GCN1: variants seen among roughly 807,000 people sequenced by gnomAD.
GCN1 encodes the protein GCN1 activator of EIF2AK4.
Under a neutral mutation model 288.4 loss-of-function variants are expected in GCN1, and 90 were observed. That is an observed-to-expected ratio of 0.31 (90% CI 0.26 to 0.37). The LOEUF (loss-of-function observed/expected upper bound fraction) is 0.37. GCN1 is among the 10% of genes least tolerant of loss of function. The probability of loss-of-function intolerance (pLI) is 1.00; values close to 1 mark genes in which losing one functional copy is unlikely to be tolerated. For synonymous variants in GCN1, 1,386 were observed against 1,420.2 expected (o/e 0.98, Z 0.54); for missense variants, 2,586 against 3,419.9 (o/e 0.76, Z 6.08).
chr12:120,159,200 G>A (rs143771285), intron 24 of GCN1, among the ~76,000 whole-genome samples: 311 of 152,276 alleles, frequency 2.0e-3, no homozygotes, highest in Non-Finnish European at 4.1e-3. Flanking sequence ...CTCTATCTGT[G>A]CAGCATCTCC....
chr12:120,147,227 T>C lies in GCN1; in HGVS notation c.4772A>G (p.Lys1591Arg). 1 of 1,610,766 alleles carries C rather than the reference T, an allele frequency of 6.2e-7. No individual in the cohort carries two copies. The highest frequency in any genetic ancestry group is 8.5e-7 in the Non-Finnish European group (1 of 1,177,500). Residue 1591 changes from lysine (K) to arginine (R), a missense_variant, in exon 38 of 58, where the codon AAG becomes AGG. Physicochemically the swap from Lys to Arg is conservative, Grantham distance 26. Around this residue, in one of 8 missense-constraint regions of GCN1, gnomAD observed 371 missense variants for 572.6 expected, o/e 0.65. Coordinates refer to ENST00000300648, the MANE Select transcript of GCN1 (RefSeq NM_006836.2). ...CAGGGTCTGCAAGCACTTCTGGGTC[T>C]TCCTGGAGGGATCCGTCAGGGCATC... Reference protein sequence around the residue: ...LLDALTDPSRKTQKCLQTLLD... With the variant: ...LLDALTDPSRRTQKCLQTLLD...
In GCN1 at chr12:120,175,781, T is replaced by C; in HGVS notation, c.1007A>G (p.Glu336Gly). ...AGCAAATAGGTGCTTGGTCAGGGAT[T>C]CCATGGCCGAAGAGTCACTGCACTG... is the stretch of plus-strand genomic sequence containing the variant. The part of the protein sequence containing the change: ...ARQCSDSSAM[E>G]SLTKHLFAIL... Residue 336 changes from glutamate (E) to glycine (G), a missense_variant, in exon 11 of 58, where the codon GAA becomes GGA. Coordinates refer to ENST00000300648, the MANE Select transcript of GCN1 (RefSeq NM_006836.2). 4 of 1,613,238 alleles carry C rather than the reference T, an allele frequency of 2.5e-6. No individual in the cohort carries two copies. The highest frequency in any genetic ancestry group is 3.4e-6 in the Non-Finnish European group (4 of 1,179,724).
At chr12:120,136,198 C>T (rs1004058843) in intron 51 of GCN1, among the ~76,000 whole-genome samples, 5 of 152,152 alleles carry the variant, frequency 3.3e-5, no homozygotes, top group African/African-American at 4.8e-5. Flanking sequence ...CTGGACATAA[C>T]CTCATCTAAT....
chr12:120,189,493 G>A (rs941481643), intron 2 of GCN1, among the ~76,000 whole-genome samples: 1 of 151,548 alleles, frequency 6.6e-6, no homozygotes, highest in Non-Finnish European at 1.5e-5. Context: ...CTCCCTAGTA[G>A]CTGGGATTAC....
chr12:120,163,116 T>C lies in GCN1; in HGVS notation c.1992A>G (p.Glu664=). 2 of 1,614,240 alleles carry C rather than the reference T, an allele frequency of 1.2e-6. No individual in the cohort carries two copies. The highest frequency in any genetic ancestry group is 1.7e-6 in the Non-Finnish European group (2 of 1,180,032). ...TGATCAGCATTTCCTGGGCCAGTTGTTCAGTGTCGGTGACATCACCCTTGA... is the reference window on the plus strand; with the variant it reads ...TGATCAGCATTTCCTGGGCCAGTTGCTCAGTGTCGGTGACATCACCCTTGA... ...PGLKGDVTDT[E]QLAQEMLIIS... The change falls in exon 19 of 58, where the codon GAA becomes GAG. Residue 664 remains glutamate (E), a synonymous_variant. Coordinates refer to ENST00000300648, the MANE Select transcript of GCN1 (RefSeq NM_006836.2).
Position 120,136,559 on chromosome 12 carries a change from C to A in GCN1, c.6951G>T (p.Arg2317Ser). The A allele has an allele frequency of 2.5e-6, 4 of 1,614,232 alleles. No individual in the cohort carries two copies. The highest frequency in any genetic ancestry group is 3.4e-6 in the Non-Finnish European group (4 of 1,180,050). Reference sequence around the variant, plus strand: ...GAGCCGCCTTCACATTCCAGCTGAACCTGTCCCCCAGGATGCGGATCAGAG... The same window carrying A: ...GAGCCGCCTTCACATTCCAGCTGAAACTGTCCCCCAGGATGCGGATCAGAG... The part of the protein sequence containing the change: ...TGPLIRILGD[R>S]FSWNVKAALL... The change falls in exon 51 of 58, where the codon AGG becomes AGT. Residue 2317 changes from arginine to serine, a missense_variant. Physicochemically the swap from Arg to Ser is moderately radical, Grantham distance 110. This residue lies in a region of GCN1 where 17 missense variants were observed against 52.8 expected (regional missense o/e 0.32). Coordinates refer to ENST00000300648, the MANE Select transcript of GCN1 (RefSeq NM_006836.2).
rs1163143170 is a variant in GCN1, at chr12:120,134,454, C to T, written c.7203-49G>A. On this transcript the variant is annotated intron_variant, in intron 52 of 57. Coordinates refer to ENST00000300648, the MANE Select transcript of GCN1 (RefSeq NM_006836.2). This position sits in a 1 kb window ranked among gnomAD's most constrained non-coding sequence, Gnocchi z 5.0. ...AAGCCCTGGGTGCCTCCACCACCACCCCTCCTGCCAGCGCAGGCTCGGCCC... is the reference window on the plus strand; with the variant it reads ...AAGCCCTGGGTGCCTCCACCACCACTCCTCCTGCCAGCGCAGGCTCGGCCC... 6 of 1,590,898 alleles carry T rather than the reference C, an allele frequency of 3.8e-6. No homozygotes were observed. Among genetic ancestry groups the T allele is most frequent in the African/African-American group, 1.3e-5 (1 of 74,438 alleles).
Position 120,156,812 on chromosome 12 carries a change from T to A in GCN1, c.3168+100A>T. 1.0e-6 allele frequency: 1 copy of A among 1,000,276 alleles called. No individual in the cohort carries two copies. Among genetic ancestry groups the A allele is most frequent in the Non-Finnish European group, 1.6e-6 (1 of 629,320 alleles). 62.0% of individuals were successfully genotyped at this position (1,000,276 alleles called of 1,614,324 possible). On this transcript the variant is annotated intron_variant, in intron 27 of 57. Coordinates refer to ENST00000300648, the MANE Select transcript of GCN1 (RefSeq NM_006836.2). This position sits in a 1 kb window ranked among gnomAD's most constrained non-coding sequence, Gnocchi z 5.8. ...CAGTCTTTCTACCAAAGTCCAAAAG[T>A]AAGGGCTGAAAGGAAACTAGGACTC...
chr12:120,131,369 T>G (rs1302624351), intron 54 of GCN1, 36 bp from the exon 55 acceptor site: 1 of 1,608,104 alleles, frequency 6.2e-7, no homozygotes, highest in Non-Finnish European at 8.5e-7. Context: ...CAACCGGTAT[T>G]TTACAGCATG....
intron 36 of GCN1, 115 bp downstream of exon 36, chr12:120,149,491 C>T: frequency 1.4e-6 from 1 of 739,896 alleles, no homozygotes; most frequent in Non-Finnish European, 2.4e-6. Context: ...AGAGTCTTAA[C>T]CCTATCCCTG....
chr12:120,178,315 T>C (rs1399706699), intron 7 of GCN1, among the ~76,000 whole-genome samples: 2 of 152,180 alleles, frequency 1.3e-5, no homozygotes, highest in Admixed American at 6.5e-5. Flanking sequence ...ATAGCTCCCT[T>C]ACTCGCTGGT....
chr12:120,151,561 G>T (rs548807509), intron 33 of GCN1, among the ~76,000 whole-genome samples, 170 bp from the exon 34 acceptor site: 36 of 152,318 alleles, frequency 2.4e-4, no homozygotes, highest in Non-Finnish European at 2.8e-4. Flanking sequence ...TATACACAGT[G>T]TTGTATACCT....
chr12:120,177,649 G>A (rs1566317258), intron 8 of GCN1, 35 bp downstream of exon 8: 3 of 1,577,772 alleles, frequency 1.9e-6, no homozygotes, highest in Non-Finnish European at 2.6e-6. Flanking sequence ...AATGGGATCA[G>A]TTGTCCAGGT....
At chr12:120,160,060 G>C (rs1459175182) in intron 23 of GCN1, 37 bp from the exon 24 acceptor site, 4 of 1,600,996 alleles carry the variant, frequency 2.5e-6, no homozygotes, top group Non-Finnish European at 3.4e-6. Flanking sequence ...GGTCAGCAGG[G>C]CCCTGCTTGT....
intron 26 of GCN1, chr12:120,157,230 C>T (rs767558527): frequency 2.3e-5 from 11 of 471,270 alleles, no homozygotes; most frequent in Non-Finnish European, 3.8e-5. Context: ...ACTATGAAAT[C>T]CAGAAAGACC....
chr12:120,176,873 T>C (rs1878496832), intron 9 of GCN1, among the ~76,000 whole-genome samples: 2 of 152,144 alleles, frequency 1.3e-5, no homozygotes, highest in South Asian at 2.1e-4. Flanking sequence ...TTCAAGTGAT[T>C]TTCCTGCCTC....
In GCN1 at chr12:120,138,758, C is replaced by A. The variant is rs553695740; in HGVS notation, c.6093G>T (p.Gln2031His). The A allele has an allele frequency of 1.3e-5, 21 of 1,614,112 alleles. No homozygotes were observed. Among genetic ancestry groups the A allele is most frequent in the Non-Finnish European group, 1.5e-5 (18 of 1,180,026 alleles). ...VREAAAKTFE[Q>H]LHSTIGHQAL... Reference sequence around the variant, plus strand: ...CCTGGTGGCCGATGGTGGAATGCAGCTGCTCGAAAGTCTTGGCTGCCGCCT... The same window carrying A: ...CCTGGTGGCCGATGGTGGAATGCAGATGCTCGAAAGTCTTGGCTGCCGCCT... The change falls in exon 46 of 58, where the codon CAG (glutamine) becomes CAT (histidine). Residue 2031 changes from glutamine (Q) to histidine (H), a missense_variant. Gln to His is a conservative substitution (Grantham distance 24). Coordinates refer to ENST00000300648, the MANE Select transcript of GCN1 (RefSeq NM_006836.2).
chr12:120,178,474 G>T, intron 7 of GCN1, 151 bp downstream of exon 7: 1 of 743,196 alleles, frequency 1.3e-6, no homozygotes, highest in East Asian at 2.5e-5. Context: ...CATGGCAAAA[G>T]GCCAGAGTCT....
rs761528901 is a variant in GCN1 at position 120,131,329 on chromosome 12, G to A, written c.7419C>T (p.Asp2473=). ...SAVLQQCLLA[D]VSGIDWMVRH... ...GAACCATCCAGTCAATGCCGGACACGTCCGCTGGGTGGAAGGACACGACTG... is the reference window on the plus strand; with the variant it reads ...GAACCATCCAGTCAATGCCGGACACATCCGCTGGGTGGAAGGACACGACTG... Residue 2473 remains aspartate, a synonymous_variant, in exon 55 of 58, where the codon GAC becomes GAT. Transcript: ENST00000300648. 9.9e-6 allele frequency: 16 copies of A among 1,613,688 alleles called. No individual in the cohort carries two copies. The highest frequency in any genetic ancestry group is 1.3e-5 in the African/African-American group (1 of 74,936).
Sources: gnomAD v4.1 joint callset for allele counts (sites outside exome capture counted in the v4.1 genomes callset) on GRCh38, gnomAD v4.1.1 for gene constraint, gnomAD v4.1.1 regional missense constraint, Gnocchi (gnomAD v3.1) non-coding constraint, MANE v1.5 for transcripts, NCBI Gene and HGNC (gene_info 2026-07-23, HGNC 2026-07-21) for gene names.